TADA2A: variants seen among roughly 807,000 people sequenced by gnomAD.
TADA2A encodes transcriptional adaptor 2A.
TADA2A carries 38 observed loss-of-function variants against 67.4 expected under a neutral mutation model. The observed-to-expected ratio is 0.56, with a 90% confidence interval of 0.44 to 0.74. The LOEUF is 0.74. TADA2A is among the 30% of genes least tolerant of loss of function. The pLI is 0.00. For missense variants in TADA2A, 454 were observed against 547.0 expected (o/e 0.83, Z 1.70); for synonymous variants, 192 against 181.6 (o/e 1.06, Z -0.46).
At chr17:37,468,308 A>G (rs533426969) in intron 12 of TADA2A, among the ~76,000 whole-genome samples, 5 of 152,296 alleles carry the variant, frequency 3.3e-5, no homozygotes, top group Admixed American at 6.5e-5. Flanking sequence ...GATCAAGTCA[A>G]TGAATTCTCA....
At chr17:37,449,936 TA>T (rs1276467234) in intron 8 of TADA2A, among the ~76,000 whole-genome samples, 2 of 152,214 alleles carry the variant, frequency 1.3e-5, no homozygotes, top group African/African-American at 2.4e-5. Flanking sequence ...TTTCCTGTTT[TA>T]CATTCAGGGA....
chr17:37,431,114 T>C (rs1182702322), intron 4 of TADA2A, among the ~76,000 whole-genome samples: 1 of 152,142 alleles, frequency 6.6e-6, no homozygotes, highest in East Asian at 1.9e-4. Flanking sequence ...GAAGACCTCC[T>C]GTGTGGTCTT....
chr17:37,431,518 A>G (rs918733345), intron 4 of TADA2A, among the ~76,000 whole-genome samples: 2 of 152,046 alleles, frequency 1.3e-5, no homozygotes, highest in Non-Finnish European at 2.9e-5. Context: ...TAACTCTTAA[A>G]ATTATTGACT....
At chr17:37,415,522 C>A (rs1044881510) in intron 2 of TADA2A, among the ~76,000 whole-genome samples, 5 of 152,028 alleles carry the variant, frequency 3.3e-5, no homozygotes, top group African/African-American at 1.2e-4. Context: ...AGTGAGATTG[C>A]TGGGTCAAAA....
intron 15 of TADA2A, among the ~76,000 whole-genome samples, chr17:37,476,441 G>C (rs1235950997): frequency 6.6e-6 from 1 of 152,174 alleles, no homozygotes; most frequent in Non-Finnish European, 1.5e-5. Context: ...GCTCTTCCCT[G>C]ACCATTGGTG....
At chr17:37,426,749 G>T (rs1489484046) in intron 3 of TADA2A, 3 of 454,780 alleles carry the variant, frequency 6.6e-6, no homozygotes, top group Non-Finnish European at 1.2e-5. Flanking sequence ...GGAGACTGAG[G>T]TACAAGGATC....
At chr17:37,467,802 C>T (rs924802109) in intron 12 of TADA2A, among the ~76,000 whole-genome samples, 1 of 152,092 alleles carries the variant, frequency 6.6e-6, no homozygotes, top group Non-Finnish European at 1.5e-5. Flanking sequence ...GAATCTTGGG[C>T]CGGGTGCAGT....
At position 37,458,595 on chromosome 17, in the gene TADA2A, T is replaced by C. The variant is rs762064485; in HGVS notation, c.668+8T>C. The stretch of plus-strand genomic sequence containing the variant: ...GAGACAAAGACGAAAAAAGTAAGTA[T>C]AAAAAACCATCCTGGCCTCCTTTCA... On this transcript the variant is annotated splice_region_variant and intron_variant, in intron 9 of 15. Coordinates refer to ENST00000615182, the MANE Select transcript of TADA2A (RefSeq NM_001166105.3). The C allele has an allele frequency of 2.5e-6, 4 of 1,611,578 alleles. No individual in the cohort carries two copies. The African/African-American group carries it at 5.4e-5, about 22-fold the overall frequency.
intron 15 of TADA2A, among the ~76,000 whole-genome samples, chr17:37,475,429 G>C (rs963180826): frequency 3.3e-5 from 5 of 151,300 alleles, no homozygotes; most frequent in African/African-American, 1.2e-4. Flanking sequence ...ATCCACCTTG[G>C]CCTCCCAAAG....
intron 8 of TADA2A, among the ~76,000 whole-genome samples, chr17:37,452,460 T>C (rs2053261476): frequency 6.6e-6 from 1 of 152,200 alleles, no homozygotes; most frequent in African/African-American, 2.4e-5. Context: ...ATCATTATTG[T>C]ATTTGTTTCC....
chr17:37,477,096 A>G lies in TADA2A; in HGVS notation c.*114A>G, dbSNP rs1470678305. On this transcript the variant is annotated 3_prime_UTR_variant, in exon 16 of 16. Coordinates refer to ENST00000615182, the MANE Select transcript of TADA2A (RefSeq NM_001166105.3). ...TCAGCTGAATTCTCATGGTGAAAAC[A>G]GGGGAAAGGACAAAGGAAACCTTAA... 2.7e-6 allele frequency: 3 copies of G among 1,120,812 alleles called. No homozygotes were observed. The South Asian group carries it at 4.7e-5, about 18-fold the overall frequency. 69.4% of individuals were successfully genotyped at this position (1,120,812 alleles called of 1,614,324 possible).
chr17:37,412,116 C>A (rs575057484), intron 2 of TADA2A, among the ~76,000 whole-genome samples: 52 of 150,818 alleles, frequency 3.4e-4, no homozygotes, highest in African/African-American at 1.2e-3. Flanking sequence ...GAGGCTGAGG[C>A]AGGAGAATGG....
intron 12 of TADA2A, among the ~76,000 whole-genome samples, chr17:37,468,939 T>TG (rs1397908455): frequency 6.6e-6 from 1 of 151,926 alleles, no homozygotes; most frequent in Non-Finnish European, 1.5e-5. Flanking sequence ...CTGGCTCTGT[T>TG]GCGCAGGCTG....
chr17:37,426,686 A>AC, intron 3 of TADA2A: 1 of 242,624 alleles, frequency 4.1e-6, no homozygotes, highest in Non-Finnish European at 7.8e-6. Flanking sequence ...AAAAAAAAAA[A>AC]AAACTTGTCA....
chr17:37,414,759 A>G (rs990567437), intron 2 of TADA2A, among the ~76,000 whole-genome samples: 1 of 152,126 alleles, frequency 6.6e-6, no homozygotes, highest in Admixed American at 6.6e-5. Flanking sequence ...CCCAACATCA[A>G]TATAATTCCA....
rs754833210 is a variant in TADA2A at position 37,471,154 on chromosome 17, C to A, written c.1072+17C>A. ...CGAATTCAGGTAATTATTTCTCAGGCCAGAACAAGTCTTAATTGTGAAGTT... is the reference window on the plus strand; with the variant it reads ...CGAATTCAGGTAATTATTTCTCAGGACAGAACAAGTCTTAATTGTGAAGTT... On this transcript the variant is annotated intron_variant, in intron 14 of 15. Coordinates refer to ENST00000615182, the MANE Select transcript of TADA2A (RefSeq NM_001166105.3). 1.2e-6 allele frequency: 2 copies of A among 1,613,056 alleles called. No homozygotes were observed. Among genetic ancestry groups the A allele is most frequent in the Non-Finnish European group, 1.7e-6 (2 of 1,179,326 alleles).
intron 4 of TADA2A, among the ~76,000 whole-genome samples, chr17:37,432,750 G>A (rs2052606811): frequency 6.6e-6 from 1 of 151,998 alleles, no homozygotes; most frequent in African/African-American, 2.4e-5. Flanking sequence ...GTAAATGATT[G>A]TTTAACTTTT....
chr17:37,409,504 T>G (rs1259584027), intron 1 of TADA2A, among the ~76,000 whole-genome samples: 1 of 152,128 alleles, frequency 6.6e-6, no homozygotes, highest in African/African-American at 2.4e-5. Context: ...CGGTGGCTCA[T>G]GCCTGTAATC....
chr17:37,415,003 C>T (rs2051996504), intron 2 of TADA2A, among the ~76,000 whole-genome samples: 1 of 151,778 alleles, frequency 6.6e-6, no homozygotes, highest in African/African-American at 2.4e-5. Context: ...GGTGATTGTC[C>T]TGCCTCAGCC....
Sources: gnomAD v4.1 joint callset for allele counts (sites outside exome capture counted in the v4.1 genomes callset) on GRCh38, gnomAD v4.1.1 for gene constraint, MANE v1.5 for transcripts, NCBI Gene and HGNC (gene_info 2026-07-23, HGNC 2026-07-21) for gene names.